Variants in ABCA13 observed in about 807,000 individuals in gnomAD.
ABCA13 encodes the protein ATP-binding cassette sub-family A member 13.
ABCA13 carries 476 observed loss-of-function variants against 478.7 expected under a neutral mutation model. The ratio of observed to expected loss-of-function variants is 0.99; its 90% CI spans 0.92 to 1.07. ABCA13 has a LOEUF of 1.07. Ranked by LOEUF, ABCA13 falls within the 50% of genes least tolerant of loss-of-function variation. ABCA13 has a pLI of 0.00. For synonymous variants in ABCA13, 2,252 were observed against 2,158.9 expected, an observed-to-expected ratio of 1.04 and a Z score of -1.20; for missense variants, 6,060 against 5,910.6, an observed-to-expected ratio of 1.03 and a Z score of -0.83.
At chr7:48,221,811 G>A (rs543120942) in intron 5 of ABCA13, among the ~76,000 whole-genome samples, 1 of 152,170 alleles carries the variant, frequency 6.6e-6, no homozygotes, top group African/African-American at 2.4e-5. Context: ...CAGAGATGTC[G>A]CTAAGAATCT....
At chr7:48,480,365 G>A (rs1828633808) in intron 45 of ABCA13, among the ~76,000 whole-genome samples, 1 of 152,284 alleles carries the variant, frequency 6.6e-6, no homozygotes, top group South Asian at 2.1e-4. Context: ...CAAACCCCTG[G>A]CATTTTGATA....
chr7:48,641,504 A>G (rs1271852318), intron 59 of ABCA13, among the ~76,000 whole-genome samples: 1 of 152,214 alleles, frequency 6.6e-6, no homozygotes, highest in South Asian at 2.1e-4. Context: ...TATTAGGCAG[A>G]TACTATAATT....
chr7:48,406,900 A>T (rs1444352224), intron 39 of ABCA13, among the ~76,000 whole-genome samples: 1 of 151,732 alleles, frequency 6.6e-6, no homozygotes, highest in African/African-American at 2.4e-5. Flanking sequence ...ATAAATAAAA[A>T]TAAAATATAT....
At chr7:48,487,334 C>A (rs201021420) in intron 47 of ABCA13, among the ~76,000 whole-genome samples, 49 of 142,004 alleles carry the variant, frequency 3.5e-4, no homozygotes, top group Middle Eastern at 3.6e-3. Context: ...CAAAACAAAA[C>A]AAAAAAAACA....
chr7:48,471,082 A>G (rs1166605107), intron 44 of ABCA13, among the ~76,000 whole-genome samples: 3 of 152,256 alleles, frequency 2.0e-5, no homozygotes, highest in Non-Finnish European at 4.4e-5. Context: ...TCTGCAACAG[A>G]AAGTTTAACC....
At chr7:48,420,700 T>TAA (rs1356243825) in intron 41 of ABCA13, among the ~76,000 whole-genome samples, 1 of 151,392 alleles carries the variant, frequency 6.6e-6, no homozygotes, top group Non-Finnish European at 1.5e-5. Flanking sequence ...CATTAAGAGG[T>TAA]AAAGCCTGGG....
intron 8 of ABCA13, 28 bp from the exon 9 acceptor site, chr7:48,239,213 T>C (rs1790432473): frequency 6.2e-7 from 1 of 1,612,040 alleles, no homozygotes; most frequent in East Asian, 2.2e-5. Context: ...GAGCTTTATG[T>C]CTAAATATTT....
chr7:48,584,698 T>C (rs1201554249), intron 56 of ABCA13, among the ~76,000 whole-genome samples: 1 of 152,212 alleles, frequency 6.6e-6, no homozygotes, highest in Non-Finnish European at 1.5e-5. Context: ...TTCACAAATA[T>C]ATGTGTAGCT....
intron 55 of ABCA13, among the ~76,000 whole-genome samples, chr7:48,571,000 G>A (rs1413799989): frequency 6.6e-6 from 1 of 151,928 alleles, no homozygotes; most frequent in African/African-American, 2.4e-5. Flanking sequence ...TTTTCCTGGG[G>A]ATTGCAACTA....
Position 48,240,928 on chromosome 7 carries a change from G to A in ABCA13, c.1124G>A (p.Ser375Asn). The change falls in exon 10 of 62, where the codon AGT (serine) becomes AAT (asparagine). Residue 375 changes from serine (S) to asparagine (N), a missense_variant. Ser to Asn is a conservative substitution (Grantham distance 46). Transcript: ENST00000435803. ...LQKTLTGMGH[S>N]LEALRNQFEE... ...AAGACACTCACAGGCATGGGCCATA[G>A]TCTGGAGGCTCTCAGGAATCAGTTT... 1 of 1,613,334 alleles carries A rather than the reference G, an allele frequency of 6.2e-7. No individual in the cohort carries two copies. The highest frequency in any genetic ancestry group is 8.5e-7 in the Non-Finnish European group (1 of 1,179,448).
intron 54 of ABCA13, among the ~76,000 whole-genome samples, chr7:48,525,126 G>C (rs946190104): frequency 6.6e-6 from 1 of 152,144 alleles, no homozygotes; most frequent in East Asian, 1.9e-4. Context: ...CTGACAGTAG[G>C]TGTCTCAGAT....
chr7:48,417,675 C>A (rs572522723), intron 41 of ABCA13, among the ~76,000 whole-genome samples: 1 of 152,054 alleles, frequency 6.6e-6, no homozygotes, highest in South Asian at 2.1e-4. Context: ...ATTGATGAAC[C>A]GACATGGACA....
At chr7:48,553,520 A>T (rs1785512560) in intron 55 of ABCA13, among the ~76,000 whole-genome samples, 1 of 151,676 alleles carries the variant, frequency 6.6e-6, no homozygotes. Flanking sequence ...CTGGGGTGAG[A>T]TATCTTTTTG....
In ABCA13 at chr7:48,412,342, T is replaced by C. The variant is rs1865195; in HGVS notation, c.12229-11T>C. The C allele has an allele frequency of 0.2, 325,960 of 1,596,636 alleles. 35,662 individuals are homozygous for C. Among genetic ancestry groups the C allele is most frequent in the East Asian group, 0.25 (11,085 of 44,582 alleles). Reference sequence around the variant, plus strand: ...CTTACTGGCTTCTTTTTTCCTTTTTTTTATGGATAGCCTTCTGTTCTGGAG... The same window carrying C: ...CTTACTGGCTTCTTTTTTCCTTTTTCTTATGGATAGCCTTCTGTTCTGGAG... On this transcript the variant is annotated splice_polypyrimidine_tract_variant and intron_variant, in intron 40 of 61. Transcript: ENST00000435803.
Position 48,625,515 on chromosome 7 carries a change from A to G in ABCA13, c.14837+10138A>G, listed in dbSNP as rs190135811. Among the ~76,000 whole-genome samples, 292 of 151,944 alleles carry G rather than the reference A, an allele frequency of 1.9e-3. 1 individual carries two copies. Among genetic ancestry groups the G allele is most frequent in the Non-Finnish European group, 2.9e-3 (199 of 68,014 alleles). On this transcript the variant is annotated intron_variant, in intron 59 of 61. Coordinates refer to ENST00000435803, the MANE Select transcript of ABCA13 (RefSeq NM_152701.5). Reference sequence around the variant, plus strand: ...GAATTAATTCTCTTTACTAGAAATGATTTTAAGAGAGATAGTGCACCTCCA... The same window carrying G: ...GAATTAATTCTCTTTACTAGAAATGGTTTTAAGAGAGATAGTGCACCTCCA...
At chr7:48,461,968 A>G (rs1258032376) in intron 43 of ABCA13, among the ~76,000 whole-genome samples, 1 of 152,142 alleles carries the variant, frequency 6.6e-6, no homozygotes, top group Non-Finnish European at 1.5e-5. Flanking sequence ...CAGATGGGAA[A>G]GTCTTATAGG....
At chr7:48,509,941 C>G (rs1024508634) in intron 50 of ABCA13, among the ~76,000 whole-genome samples, 1 of 152,192 alleles carries the variant, frequency 6.6e-6, no homozygotes, top group Non-Finnish European at 1.5e-5. Flanking sequence ...AGCTGGCCCT[C>G]GCCAGTCACC....
At chr7:48,593,181 G>T (rs1468808375) in intron 57 of ABCA13, among the ~76,000 whole-genome samples, 2 of 144,482 alleles carry the variant, frequency 1.4e-5, no homozygotes, top group South Asian at 2.2e-4. Context: ...CTTTTAATTT[G>T]ATAATTTTTT....
intron 32 of ABCA13, among the ~76,000 whole-genome samples, chr7:48,368,698 T>C (rs1048651064): frequency 7.1e-5 from 10 of 140,338 alleles, no homozygotes; most frequent in Non-Finnish European, 1.4e-4. Flanking sequence ...TATATATATA[T>C]ATATATATAT....
Sources: gnomAD v4.1 joint callset for allele counts (sites outside exome capture counted in the v4.1 genomes callset) on GRCh38, gnomAD v4.1.1 for gene constraint, MANE v1.5 for transcripts, NCBI Gene and HGNC (gene_info 2026-07-23, HGNC 2026-07-21) for gene names.